The following CDK14 variants were observed in gnomAD, a reference collection of about 807,000 sequenced individuals.
The protein encoded by CDK14 is cyclin dependent kinase 14.
CDK14 carries 34 observed loss-of-function variants against 60.7 expected under a neutral mutation model. The observed-to-expected ratio is 0.56, with a 90% confidence interval of 0.43 to 0.75. CDK14 has a LOEUF of 0.75. Among genes scored for constraint, CDK14 ranks in the 30% least tolerant of loss-of-function variants. The pLI is 0.00. For synonymous variants in CDK14, 197 were observed against 203.7 expected (o/e 0.97, Z 0.28); for missense variants, 482 against 564.1 (o/e 0.85, Z 1.47).
intron 8 of CDK14, among the ~76,000 whole-genome samples, chr7:90,928,877 T>C (rs1793503992): frequency 6.6e-6 from 1 of 152,210 alleles, no homozygotes; most frequent in African/African-American, 2.4e-5. Context: ...CCACCCAGTT[T>C]GAGCTTCCTG....
At chr7:90,808,840 T>C (rs560477855) in intron 5 of CDK14, among the ~76,000 whole-genome samples, 1 of 152,176 alleles carries the variant, frequency 6.6e-6, no homozygotes, top group African/African-American at 2.4e-5. Flanking sequence ...AGACAGACTT[T>C]AAACCAACAA....
chr7:90,696,421 A>C (rs1801661122), intron 2 of CDK14, among the ~76,000 whole-genome samples: 1 of 144,338 alleles, frequency 6.9e-6, no homozygotes, highest in South Asian at 2.2e-4. Flanking sequence ...GCTCACTGCA[A>C]CCTCCGCCTC....
intron 5 of CDK14, among the ~76,000 whole-genome samples, chr7:90,805,684 ATTG>A (rs1788799248): frequency 6.6e-6 from 1 of 152,122 alleles, no homozygotes; most frequent in Non-Finnish European, 1.5e-5. Flanking sequence ...AAGATCTCGT[ATTG>A]TTAAGATGAC....
chr7:91,098,314 T>C (rs1330922905), intron 12 of CDK14, among the ~76,000 whole-genome samples: 1 of 152,112 alleles, frequency 6.6e-6, no homozygotes, highest in Admixed American at 6.6e-5. Flanking sequence ...GGAGCATTAT[T>C]TTTGGTGATT....
At chr7:91,128,325 A>C (rs1050768574) in intron 14 of CDK14, among the ~76,000 whole-genome samples, 1 of 152,194 alleles carries the variant, frequency 6.6e-6, no homozygotes, top group African/African-American at 2.4e-5. Flanking sequence ...TAAAAAGCTT[A>C]GCATTAAGCT....
chr7:90,750,854 C>T (rs1206104199), intron 4 of CDK14, among the ~76,000 whole-genome samples: 1 of 150,962 alleles, frequency 6.6e-6, no homozygotes, highest in African/African-American at 2.4e-5. Context: ...GCCTGGGCAA[C>T]AGAGCGAGAC....
intron 5 of CDK14, among the ~76,000 whole-genome samples, chr7:90,793,968 A>G (rs2040518): frequency 0.89 from 135,730 of 152,122 alleles, 60,622 homozygotes; most frequent in East Asian, 1. Context: ...AAACCAGCCC[A>G]CGATATTCAA....
intron 5 of CDK14, among the ~76,000 whole-genome samples, chr7:90,823,495 G>A (rs747679286): frequency 1.3e-5 from 2 of 152,142 alleles, no homozygotes; most frequent in Non-Finnish European, 2.9e-5. Flanking sequence ...AAAGGCTTCC[G>A]GCACAGAGAG....
At chr7:90,688,287 G>A (rs1321483081) in intron 2 of CDK14, among the ~76,000 whole-genome samples, 3 of 151,986 alleles carry the variant, frequency 2.0e-5, no homozygotes, top group Admixed American at 6.6e-5. Context: ...CAGTGAATAC[G>A]GATTTCTAAT....
At chr7:91,180,677 G>A (rs181934216) in intron 14 of CDK14, among the ~76,000 whole-genome samples, 41 of 152,232 alleles carry the variant, frequency 2.7e-4, no homozygotes, top group African/African-American at 9.6e-4. Flanking sequence ...GAGTAGATGA[G>A]GGTCTCTCCA....
chr7:90,847,142 T>G (rs1288688613), intron 5 of CDK14, among the ~76,000 whole-genome samples: 1 of 152,194 alleles, frequency 6.6e-6, no homozygotes, highest in Non-Finnish European at 1.5e-5. Flanking sequence ...GAGGTGTTCT[T>G]GGATGCTTGT....
chr7:90,671,455 A>G (rs185029730), intron 2 of CDK14, among the ~76,000 whole-genome samples: 1 of 152,318 alleles, frequency 6.6e-6, no homozygotes, highest in African/African-American at 2.4e-5. Flanking sequence ...AAAACTAAAG[A>G]AAGAATTTTT....
At chr7:91,124,236 A>T (rs1344262669) in intron 14 of CDK14, among the ~76,000 whole-genome samples, 1 of 152,116 alleles carries the variant, frequency 6.6e-6, no homozygotes, top group Non-Finnish European at 1.5e-5. Context: ...TACAGAAAAG[A>T]TGCAAGAATA....
chr7:91,139,904 T>C (rs892348923), intron 14 of CDK14, among the ~76,000 whole-genome samples: 1 of 152,022 alleles, frequency 6.6e-6, no homozygotes, highest in Non-Finnish European at 1.5e-5. Flanking sequence ...TCCGTTCATT[T>C]CTTTCTTTCA....
intron 12 of CDK14, among the ~76,000 whole-genome samples, chr7:91,106,012 G>A (rs1799286092): frequency 6.6e-6 from 1 of 152,136 alleles, no homozygotes; most frequent in African/African-American, 2.4e-5. Context: ...AAACATGAAA[G>A]AGTAAAGACA....
chr7:90,613,774 G>C (rs1799593246), intron 2 of CDK14, among the ~76,000 whole-genome samples: 1 of 152,088 alleles, frequency 6.6e-6, no homozygotes, highest in South Asian at 2.1e-4. Flanking sequence ...TCTTCAACAA[G>C]TGCAAAATGG....
chr7:91,065,417 C>T (rs917888878), intron 11 of CDK14, among the ~76,000 whole-genome samples: 1 of 152,098 alleles, frequency 6.6e-6, no homozygotes, highest in African/African-American at 2.4e-5. Context: ...TTCTAAAATG[C>T]CTGTTGGAAT....
chr7:90,795,298 G>A (rs1348944424), intron 5 of CDK14, among the ~76,000 whole-genome samples: 1 of 152,110 alleles, frequency 6.6e-6, no homozygotes, highest in Non-Finnish European at 1.5e-5. Flanking sequence ...ATATCCCACA[G>A]TCTGCATTTG....
chr7:91,183,046 C>T (rs1802051432), intron 14 of CDK14, among the ~76,000 whole-genome samples: 1 of 152,158 alleles, frequency 6.6e-6, no homozygotes, highest in East Asian at 1.9e-4. Context: ...TAGTTCACTT[C>T]TAAGGGATTT....
Sources: gnomAD v4.1 joint callset for allele counts (sites outside exome capture counted in the v4.1 genomes callset) on GRCh38, gnomAD v4.1.1 for gene constraint, MANE v1.5 for transcripts, NCBI Gene and HGNC (gene_info 2026-07-23, HGNC 2026-07-21) for gene names.